The following NELFA variants were observed in gnomAD, a reference collection of about 807,000 sequenced individuals.
NELFA encodes the protein negative elongation factor complex member A.
In NELFA, 35 loss-of-function variants were observed where a neutral mutation model predicts 51.8. That is an observed-to-expected ratio of 0.68 (90% CI 0.52 to 0.90). The LOEUF is 0.90. NELFA is among the 40% of genes least tolerant of loss of function. The pLI is 0.00. For synonymous variants in NELFA, 417 were observed against 338.4 expected, an observed-to-expected ratio of 1.23 and a Z score of -2.55; for missense variants, 658 against 746.4, an observed-to-expected ratio of 0.88 and a Z score of 1.38.
intron 1 of NELFA, chr4:2,008,053 G>A (rs1297629667): frequency 2.2e-6 from 1 of 456,688 alleles, no homozygotes; most frequent in African/African-American, 2.0e-5. Context: ...GGGTCTTTGC[G>A]AGGTGAGAAC....
chr4:1,991,746 T>C (rs777282610), intron 1 of NELFA, 31 bp from the exon 2 acceptor site: 7 of 1,554,710 alleles, frequency 4.5e-6, no homozygotes, highest in African/African-American at 4.1e-5. Context: ...GGCGCCACCA[T>C]GCCCCTGCCC....
intron 8 of NELFA, among the ~76,000 whole-genome samples, 200 bp downstream of exon 8, chr4:1,984,608 A>G (rs1728023088): frequency 6.6e-6 from 1 of 152,224 alleles, no homozygotes; most frequent in African/African-American, 2.4e-5. Context: ...CAGGACGGGC[A>G]GGGTGGGGCA....
chr4:1,989,724 C>G lies in NELFA; in HGVS notation c.528G>C (p.Ala176=). Residue 176 remains alanine, a synonymous_variant, in exon 3 of 11, where the codon GCG becomes GCC. Transcript: ENST00000382882. The surrounding 1 kb of genome is among the most constrained non-coding windows in gnomAD (Gnocchi z 4.8). ...KRKPKSATLR[A]ELLQKSTETA... is the part of the protein sequence containing the mutation. Reference sequence around the variant, plus strand: ...GCCACTCACACTTCTGCAGCAGCTCCGCCCGCAGCGTGGCGCTCTTGGGTT... The same window carrying G: ...GCCACTCACACTTCTGCAGCAGCTCGGCCCGCAGCGTGGCGCTCTTGGGTT... The G allele has an allele frequency of 6.2e-7, 1 of 1,613,872 alleles. No homozygotes were observed. Among genetic ancestry groups the G allele is most frequent in the South Asian group, 1.1e-5 (1 of 91,070 alleles).
chr4:1,986,269 T>G lies in NELFA; in HGVS notation c.765+3A>C. ...TGCCACAGGAGCTGGGGGACGGGCCTACCTTCACACCTCGTTCCTTCCGCA... is the reference window on the plus strand; with the variant it reads ...TGCCACAGGAGCTGGGGGACGGGCCGACCTTCACACCTCGTTCCTTCCGCA... On this transcript the variant is annotated splice_donor_region_variant and intron_variant, in intron 5 of 10. Transcript: ENST00000382882. 1.9e-6 allele frequency: 3 copies of G among 1,577,828 alleles called. No individual in the cohort carries two copies. Among genetic ancestry groups the G allele is most frequent in the Non-Finnish European group, 2.6e-6 (3 of 1,161,704 alleles).
intron 1 of NELFA, among the ~76,000 whole-genome samples, chr4:1,996,305 T>C (rs1728421372): frequency 6.6e-6 from 1 of 152,172 alleles, no homozygotes; most frequent in African/African-American, 2.4e-5. Context: ...AAGAACTTAC[T>C]GAAATTAAAA....
intron 1 of NELFA, among the ~76,000 whole-genome samples, chr4:1,995,466 A>G (rs1334519182): frequency 6.6e-6 from 1 of 152,244 alleles, no homozygotes; most frequent in Non-Finnish European, 1.5e-5. Context: ...GAAAACTAAG[A>G]TAAATTAGAA....
chr4:2,008,655 G>A lies in NELFA; in HGVS notation c.210+95C>T. On this transcript the variant is annotated intron_variant, in intron 1 of 10. Coordinates refer to ENST00000382882, the MANE Select transcript of NELFA (RefSeq NM_005663.5). Reference sequence around the variant, plus strand: ...CAGTCTGAAGGGGGATGGGAAGGTTGGGGGAGGGAGCGAGGAGGGTCCGGA... The same window carrying A: ...CAGTCTGAAGGGGGATGGGAAGGTTAGGGGAGGGAGCGAGGAGGGTCCGGA... The A allele has an allele frequency of 2.8e-6, 4 of 1,434,608 alleles. No homozygotes were observed. In the South Asian group the frequency reaches 4.0e-5, roughly 14 times the overall value. 88.9% of individuals were successfully genotyped at this position (1,434,608 alleles called of 1,614,324 possible).
chr4:2,008,944 C>G lies in NELFA; in HGVS notation c.16G>C (p.Glu6Gln). 1 of 1,562,096 alleles carries G rather than the reference C, an allele frequency of 6.4e-7. No individual in the cohort carries two copies. The highest frequency in any genetic ancestry group is 8.7e-7 in the Non-Finnish European group (1 of 1,153,070). Reference protein sequence around the residue: MASMRESDTGLWLHNK... With the variant: MASMRQSDTGLWLHNK... ...TGCAGCCACAGGCCCGTGTCGCTCT[C>G]CCGCATGGACGCCATCTTGGGGGAA... The change falls in exon 1 of 11, where the codon GAG (glutamate) becomes CAG (glutamine). Residue 6 changes from glutamate to glutamine, a missense_variant. Glu to Gln is a conservative substitution (Grantham distance 29). Coordinates refer to ENST00000382882, the MANE Select transcript of NELFA (RefSeq NM_005663.5).
At chr4:2,001,839 G>A (rs772197096) in intron 1 of NELFA, among the ~76,000 whole-genome samples, 7 of 150,088 alleles carry the variant, frequency 4.7e-5, no homozygotes, top group East Asian at 2.0e-4. Flanking sequence ...GGAGGCGGAG[G>A]TTGCAGTGAG....
chr4:1,985,571 C>T (rs1394631317), intron 7 of NELFA, among the ~76,000 whole-genome samples: 1 of 152,208 alleles, frequency 6.6e-6, no homozygotes, highest in Non-Finnish European at 1.5e-5. Context: ...GGCAGGTTCC[C>T]GCTCCAAGCC....
chr4:1,997,243 T>C (rs1405736841), intron 1 of NELFA, among the ~76,000 whole-genome samples: 1 of 152,190 alleles, frequency 6.6e-6, no homozygotes, highest in East Asian at 1.9e-4. Flanking sequence ...ATCACTCCAT[T>C]AGTAAACAAA....
chr4:1,986,502 G>A lies in NELFA; in HGVS notation c.635-100C>T, dbSNP rs781370111. 13 of 1,562,746 alleles carry A rather than the reference G, an allele frequency of 8.3e-6. No homozygotes were observed. The South Asian group carries it at 1.1e-4, about 13-fold the overall frequency. Reference sequence around the variant, plus strand: ...CACCCTCTTCTAGGCTAGCGCCGCAGAGGGGAAGGGCCAAACCCCTGGCGG... The same window carrying A: ...CACCCTCTTCTAGGCTAGCGCCGCAAAGGGGAAGGGCCAAACCCCTGGCGG... On this transcript the variant is annotated intron_variant, in intron 4 of 10. Transcript: ENST00000382882.
At chr4:1,987,410 TGAGAG>T (rs1728137214) in intron 4 of NELFA, 1 of 154,500 alleles carries the variant, frequency 6.5e-6, no homozygotes, top group African/African-American at 2.4e-5. Context: ...CGCCCAGCCC[TGAGAG>T]CACAAATCAG....
Position 1,986,242 on chromosome 4 carries a change from G to A in NELFA, c.765+30C>T, listed in dbSNP as rs1275957173. The A allele has an allele frequency of 2.6e-6, 4 of 1,568,282 alleles. No individual in the cohort carries two copies. The African/African-American group carries it at 4.1e-5, about 16-fold the overall frequency. ...GGCACCAGGGCGCAACGGGCCCCGGGGTGCCACAGGAGCTGGGGGACGGGC... is the reference window on the plus strand; with the variant it reads ...GGCACCAGGGCGCAACGGGCCCCGGAGTGCCACAGGAGCTGGGGGACGGGC... On this transcript the variant is annotated intron_variant, in intron 5 of 10. Transcript: ENST00000382882.
At position 1,983,156 on chromosome 4, in the gene NELFA, C is replaced by T. The variant is rs1486898830; in HGVS notation, c.*163G>A. The T allele has an allele frequency of 1.3e-5, 8 of 593,864 alleles. No individual in the cohort carries two copies. Among genetic ancestry groups the T allele is most frequent in the Non-Finnish European group, 2.0e-5 (7 of 355,188 alleles). The allele number at this position is 593,864 out of a possible 1,614,324, so 36.8% of individuals were successfully genotyped here. The stretch of plus-strand genomic sequence containing the variant: ...AAATTTTAAAAATAAGCCCCAAATA[C>T]CCCAGAGAAATGCATCCAGAACTTA... On this transcript the variant is annotated 3_prime_UTR_variant, in exon 11 of 11. Coordinates refer to ENST00000382882, the MANE Select transcript of NELFA (RefSeq NM_005663.5).
rs552986056 is a variant in NELFA at position 2,005,988 on chromosome 4, G to A, written c.210+2762C>T. Among the ~76,000 whole-genome samples the A allele has an allele frequency of 7.9e-5, 12 of 152,278 alleles. No individual in the cohort carries two copies. The South Asian group carries it at 2.5e-3, about 32-fold the overall frequency. On this transcript the variant is annotated intron_variant, in intron 1 of 10. Coordinates refer to ENST00000382882, the MANE Select transcript of NELFA (RefSeq NM_005663.5). ...CAGGCAGGCTCTACGTGTTTAAGAA[G>A]TAAGTATATAAGATACATGTGGAAG... is the stretch of plus-strand genomic sequence containing the variant.
At chr4:1,992,470 G>A in intron 1 of NELFA, 1 of 436,192 alleles carries the variant, frequency 2.3e-6, no homozygotes, top group Non-Finnish European at 4.6e-6. Context: ...ACGAGGAAAC[G>A]CAGAGAGCCA....
intron 1 of NELFA, chr4:1,991,978 C>G (rs1728284116): frequency 2.3e-6 from 1 of 431,648 alleles, no homozygotes; most frequent in Admixed American, 4.2e-5. Context: ...CCAGCAGCAC[C>G]CAGTCCACTG....
In NELFA at chr4:1,986,272, C is replaced by G. The variant is rs1053782912; in HGVS notation, c.765G>C (p.Lys255Asn). 1 of 1,578,744 alleles carries G rather than the reference C, an allele frequency of 6.3e-7. No homozygotes were observed. Among genetic ancestry groups the G allele is most frequent in the African/African-American group, 1.3e-5 (1 of 74,138 alleles). Residue 255 changes from lysine (K) to asparagine (N), a missense_variant and splice_region_variant, in exon 5 of 11, where the codon AAG (lysine) becomes AAC (asparagine). Lys to Asn is a moderately conservative substitution (Grantham distance 94, BLOSUM62 0). Around this residue, in one of 3 missense-constraint regions of NELFA, gnomAD observed 371 missense variants for 448.3 expected, o/e 0.83. Coordinates refer to ENST00000382882, the MANE Select transcript of NELFA (RefSeq NM_005663.5). ...RTLLRKERGVKLLDISELDMV... is the reference protein window; with the variant it reads ...RTLLRKERGVNLLDISELDMV... ...CACAGGAGCTGGGGGACGGGCCTAC[C>G]TTCACACCTCGTTCCTTCCGCAGCA...
Sources: allele counts gnomAD v4.1 joint callset (sites outside exome capture counted in the v4.1 genomes callset), GRCh38; gene constraint gnomAD v4.1.1; regional missense constraint gnomAD v4.1.1; non-coding constraint Gnocchi (gnomAD v3.1); transcripts MANE v1.5; gene names NCBI Gene and HGNC (gene_info 2026-07-23, HGNC 2026-07-21).